The following UBE2F variants were observed in gnomAD, a reference collection of about 807,000 sequenced individuals.
UBE2F encodes ubiquitin conjugating enzyme E2 F (putative), also known as NEDD8-conjugating enzyme UBE2F.
In UBE2F, 5 loss-of-function variants were observed where a neutral mutation model predicts 29.6. That is an observed-to-expected ratio of 0.17 (90% CI 0.09 to 0.36). The LOEUF (loss-of-function observed/expected upper bound fraction) is 0.36. UBE2F is among the 10% of genes least tolerant of loss of function. The pLI, the probability that UBE2F is intolerant of heterozygous loss-of-function variation, is 1.00. For synonymous variants in UBE2F, 66 were observed against 81.8 expected, an observed-to-expected ratio of 0.81 and a Z score of 1.04; for missense variants, 141 against 228.5, an observed-to-expected ratio of 0.62 and a Z score of 2.47.
At position 238,010,110 on chromosome 2, in the gene UBE2F, T is replaced by G. The variant is rs190641818; in HGVS notation, c.215-6456T>G. 2.0e-5 allele frequency among the ~76,000 whole-genome samples: 3 copies of G among 152,310 alleles called. No homozygotes were observed. In the East Asian group the frequency reaches 5.8e-4, roughly 29 times the overall value. On this transcript the variant is annotated intron_variant, in intron 4 of 9. Transcript: ENST00000272930. The stretch of plus-strand genomic sequence containing the variant: ...CATTTTTATGCTTTTAAGTATTTTA[T>G]TTGTCATTTTTTTATACTCTTCTGT...
intron 3 of UBE2F, among the ~76,000 whole-genome samples, chr2:237,989,738 G>A (rs1253119034): frequency 6.6e-6 from 1 of 152,246 alleles, no homozygotes; most frequent in East Asian, 1.9e-4. Context: ...GATCTCAGTT[G>A]AAAGTGTTTT....
intron 9 of UBE2F, among the ~76,000 whole-genome samples, chr2:238,039,215 G>A (rs867467507): frequency 6.6e-6 from 1 of 152,202 alleles, no homozygotes; most frequent in East Asian, 1.9e-4. Flanking sequence ...TGCCTGGGCA[G>A]CAAGAGCGAA....
chr2:237,995,912 G>T (rs934955675), intron 4 of UBE2F, among the ~76,000 whole-genome samples: 1 of 152,178 alleles, frequency 6.6e-6, no homozygotes, highest in African/African-American at 2.4e-5. Flanking sequence ...TCATCATTAT[G>T]TATATATTTT....
At chr2:238,022,681 A>G (rs1029878455) in intron 5 of UBE2F, among the ~76,000 whole-genome samples, 2 of 152,186 alleles carry the variant, frequency 1.3e-5, no homozygotes, top group South Asian at 2.1e-4. Context: ...ATGGGTAGCC[A>G]GTGACCCACC....
At position 238,001,279 on chromosome 2, in the gene UBE2F, C is replaced by T. The variant is rs1009386097; in HGVS notation, c.214+6470C>T. On this transcript the variant is annotated intron_variant, in intron 4 of 9. Coordinates refer to ENST00000272930, the MANE Select transcript of UBE2F (RefSeq NM_080678.3). Reference sequence around the variant, plus strand: ...AACTCCTGACCTCAGGTGATCTGCCCGCCTCAGCCTCCCAAAGTGCTGGGA... The same window carrying T: ...AACTCCTGACCTCAGGTGATCTGCCTGCCTCAGCCTCCCAAAGTGCTGGGA... 6.6e-5 allele frequency among the ~76,000 whole-genome samples: 10 copies of T among 151,964 alleles called. 1 individual carries two copies. The highest frequency in any genetic ancestry group is 3.9e-4 in the East Asian group (2 of 5,160).
intron 4 of UBE2F, among the ~76,000 whole-genome samples, chr2:238,013,030 C>A (rs944959390): frequency 3.3e-5 from 5 of 152,128 alleles, no homozygotes; most frequent in African/African-American, 4.8e-5. Flanking sequence ...AATCCCAGCA[C>A]TTTGGGGAGG....
At chr2:237,991,758 A>G (rs1231572508) in intron 3 of UBE2F, among the ~76,000 whole-genome samples, 1 of 151,692 alleles carries the variant, frequency 6.6e-6, no homozygotes, top group Non-Finnish European at 1.5e-5. Flanking sequence ...GCCCGCCACC[A>G]CGCCTAGCCA....
intron 5 of UBE2F, among the ~76,000 whole-genome samples, chr2:238,019,791 C>T (rs1400348766): frequency 2.0e-5 from 3 of 151,612 alleles, no homozygotes; most frequent in Non-Finnish European, 4.4e-5. Flanking sequence ...TCCGGAGTAG[C>T]TGGGATTACA....
chr2:238,034,818 C>A (rs2064667455), intron 8 of UBE2F, among the ~76,000 whole-genome samples: 1 of 152,108 alleles, frequency 6.6e-6, no homozygotes, highest in Non-Finnish European at 1.5e-5. Flanking sequence ...GTTGTCTTGA[C>A]AATGATCCAT....
At chr2:238,025,894 A>G (rs917210320) in intron 6 of UBE2F, among the ~76,000 whole-genome samples, 5 of 152,218 alleles carry the variant, frequency 3.3e-5, no homozygotes, top group Non-Finnish European at 5.9e-5. Flanking sequence ...CACTTAGGGC[A>G]GGCAGCCTCT....
At chr2:238,017,973 G>A (rs751090385) in intron 5 of UBE2F, among the ~76,000 whole-genome samples, 6 of 152,164 alleles carry the variant, frequency 3.9e-5, no homozygotes, top group African/African-American at 9.7e-5. Flanking sequence ...ACTTTTTACC[G>A]GACTACTCCA....
intron 4 of UBE2F, among the ~76,000 whole-genome samples, chr2:238,014,561 G>T (rs1025192135): frequency 6.6e-6 from 1 of 152,216 alleles, no homozygotes; most frequent in Non-Finnish European, 1.5e-5. Flanking sequence ...AAAAAATATA[G>T]CATGGCAGGA....
chr2:238,029,262 T>A (rs2064510488), intron 6 of UBE2F, among the ~76,000 whole-genome samples: 1 of 131,376 alleles, frequency 7.6e-6, no homozygotes, highest in Non-Finnish European at 1.6e-5. Flanking sequence ...ATCCTCAAGC[T>A]TTTTCTTTTG....
At chr2:238,007,540 G>A (rs2063934051) in intron 4 of UBE2F, among the ~76,000 whole-genome samples, 1 of 151,856 alleles carries the variant, frequency 6.6e-6, no homozygotes, top group Non-Finnish European at 1.5e-5. Context: ...AATCATGAAT[G>A]GATGCTTTTT....
chr2:237,973,249 T>G (rs2063210919), intron 2 of UBE2F, 24 bp downstream of exon 2: 2 of 1,600,964 alleles, frequency 1.2e-6, no homozygotes, highest in East Asian at 4.5e-5. Flanking sequence ...GTGTGAACTG[T>G]TTTTATATCC....
At chr2:238,011,678 T>C (rs1190440719) in intron 4 of UBE2F, among the ~76,000 whole-genome samples, 1 of 152,248 alleles carries the variant, frequency 6.6e-6, no homozygotes, top group East Asian at 1.9e-4. Flanking sequence ...ATTAAATTGA[T>C]GCATTTGTGA....
chr2:238,007,314 A>C (rs1178429967), intron 4 of UBE2F, among the ~76,000 whole-genome samples: 2 of 146,794 alleles, frequency 1.4e-5, no homozygotes, highest in Non-Finnish European at 3.0e-5. Context: ...TAGATATGGC[A>C]TTTCACCATA....
rs924972382 is a variant in UBE2F at position 237,967,853 on chromosome 2, C to T, written c.-17+721C>T. Among the ~76,000 whole-genome samples, 1 of 152,148 alleles carries T rather than the reference C, an allele frequency of 6.6e-6. No individual in the cohort carries two copies. Among genetic ancestry groups the T allele is most frequent in the African/African-American group, 2.4e-5 (1 of 41,422 alleles). Reference sequence around the variant, plus strand: ...GCTGGTGTGTCATCTTGGGTGTGGCCTTCCCCTCCCTGGGCTCAGTTTCCT... The same window carrying T: ...GCTGGTGTGTCATCTTGGGTGTGGCTTTCCCCTCCCTGGGCTCAGTTTCCT... On this transcript the variant is annotated intron_variant, in intron 1 of 9. Coordinates refer to ENST00000272930, the MANE Select transcript of UBE2F (RefSeq NM_080678.3). The surrounding 1 kb of genome is among the most constrained non-coding windows in gnomAD (Gnocchi z 6.3).
chr2:237,983,996 T>C (rs1424258750), intron 2 of UBE2F, among the ~76,000 whole-genome samples: 2 of 151,996 alleles, frequency 1.3e-5, no homozygotes, highest in Non-Finnish European at 2.9e-5. Flanking sequence ...TTTGCCCTCA[T>C]TGTGCTCCCA....
Sources: gnomAD v4.1 joint callset for allele counts (sites outside exome capture counted in the v4.1 genomes callset) on GRCh38, gnomAD v4.1.1 for gene constraint, Gnocchi (gnomAD v3.1) non-coding constraint, MANE v1.5 for transcripts, NCBI Gene and HGNC (gene_info 2026-07-23, HGNC 2026-07-21) for gene names.